MR1: variants seen among roughly 807,000 people sequenced by gnomAD.
MR1 encodes the protein major histocompatibility complex, class I-related, also known as major histocompatibility complex class I-related protein 1.
MR1 carries 44 observed loss-of-function variants against 37.8 expected under a neutral mutation model. The ratio of observed to expected loss-of-function variants is 1.16; its 90% CI spans 0.91 to 1.50. The LOEUF is 1.50. Among genes scored for constraint, MR1 ranks in the 40% most tolerant of loss-of-function variants. The probability of loss-of-function intolerance (pLI) is 0.00; values close to 1 mark genes in which losing one functional copy is unlikely to be tolerated. For synonymous variants in MR1, 153 were observed against 155.8 expected (o/e 0.98, Z 0.13); for missense variants, 386 against 419.1 (o/e 0.92, Z 0.69).
Position 181,047,673 on chromosome 1 carries a change from G to A in MR1, c.68-1379G>A, listed in dbSNP as rs140861343. On this transcript the variant is annotated intron_variant, in intron 1 of 5. Coordinates refer to ENST00000367580, the MANE Select transcript of MR1 (RefSeq NM_001385161.1). ...AGCACTTTGGGAGGCCAAGGCAGGC[G>A]GATCACGAGGTCAGGAGTTTGAGAC... is the stretch of plus-strand genomic sequence containing the variant. Among the ~76,000 whole-genome samples, 1,196 of 150,654 alleles carry A rather than the reference G, an allele frequency of 7.9e-3. 7 individuals carry two copies. Among genetic ancestry groups the A allele is most frequent in the Non-Finnish European group, 0.012 (820 of 67,678 alleles).
chr1:181,049,673 G>A, intron 2 of MR1: 1 of 474,686 alleles, frequency 2.1e-6, no homozygotes, highest in Non-Finnish European at 3.8e-6. Flanking sequence ...AGTATCGACA[G>A]TAACTTTCCC....
intron 1 of MR1, among the ~76,000 whole-genome samples, chr1:181,038,514 G>C (rs1261814565): frequency 1.3e-5 from 2 of 152,232 alleles, no homozygotes; most frequent in East Asian, 3.9e-4. Flanking sequence ...TGTTGACCTG[G>C]TTATCCAATC....
Position 181,053,689 on chromosome 1 carries a change from A to T in MR1, c.985+12A>T. The stretch of plus-strand genomic sequence containing the variant: ...AAGAAGGCCCCGAGGTGAGAGGCAC[A>T]TGGAAGGGATCCAGGGGGCTGCAGA... On this transcript the variant is annotated intron_variant, in intron 5 of 5. Coordinates refer to ENST00000367580, the MANE Select transcript of MR1 (RefSeq NM_001385161.1). 6.4e-7 allele frequency: 1 copy of T among 1,571,672 alleles called. No homozygotes were observed. The highest frequency in any genetic ancestry group is 8.8e-7 in the Non-Finnish European group (1 of 1,141,308).
chr1:181,054,962 C>T, intron 5 of MR1, among the ~76,000 whole-genome samples: 1 of 152,108 alleles, frequency 6.6e-6, no homozygotes, highest in East Asian at 1.9e-4. Flanking sequence ...AATCCTAATC[C>T]AATAAATGAT....
In MR1 at chr1:181,059,832, A is replaced by T. The variant is rs1352443339; in HGVS notation, c.*4567A>T. 1 of 152,340 alleles carries T rather than the reference A, an allele frequency of 6.6e-6. No homozygotes were observed. Among genetic ancestry groups the T allele is most frequent in the East Asian group, 1.9e-4 (1 of 5,192 alleles). 9.4% of individuals were successfully genotyped at this position (152,340 alleles called of 1,614,324 possible). A position where few individuals can be genotyped will look rare whatever the true frequency, so the allele number is the denominator to read the frequency against. On this transcript the variant is annotated 3_prime_UTR_variant, in exon 6 of 6. Coordinates refer to ENST00000367580, the MANE Select transcript of MR1 (RefSeq NM_001385161.1). The stretch of plus-strand genomic sequence containing the variant: ...TCAAAAAGAGGGTGTATAGAACCCA[A>T]CACTCAATAGGAAGATTGTCAGAGT...
At chr1:181,034,155 T>C (rs759377562) in intron 1 of MR1, 81 bp downstream of exon 1, 41 of 1,407,658 alleles carry the variant, frequency 2.9e-5, no homozygotes, top group Middle Eastern at 3.7e-4. Context: ...CTAAAACTTG[T>C]GGTGAAAAAT....
intron 2 of MR1, 72 bp from the exon 3 acceptor site, chr1:181,049,939 C>T: frequency 6.5e-7 from 1 of 1,530,448 alleles, no homozygotes; most frequent in Non-Finnish European, 8.9e-7. Flanking sequence ...CCAGCCATGC[C>T]CCTGCTCCCA....
At chr1:181,044,779 T>G (rs1322808486) in intron 1 of MR1, among the ~76,000 whole-genome samples, 2 of 152,212 alleles carry the variant, frequency 1.3e-5, no homozygotes, top group East Asian at 3.8e-4. Flanking sequence ...GAGGATCACT[T>G]AAGCCCAGGA....
intron 1 of MR1, among the ~76,000 whole-genome samples, chr1:181,045,843 C>T (rs1657824719): frequency 6.6e-6 from 1 of 152,222 alleles, no homozygotes; most frequent in East Asian, 1.9e-4. Flanking sequence ...GGGAGAGGCG[C>T]GAGCGGGAAC....
At chr1:181,053,189 C>T (rs1350672498) in intron 4 of MR1, among the ~76,000 whole-genome samples, 5 of 151,998 alleles carry the variant, frequency 3.3e-5, no homozygotes, top group African/African-American at 1.2e-4. Flanking sequence ...CAAGACCAGC[C>T]TGGGCAACAT....
At chr1:181,034,180 C>A in intron 1 of MR1, 106 bp downstream of exon 1, 2 of 1,037,492 alleles carry the variant, frequency 1.9e-6, no homozygotes, top group East Asian at 2.5e-5. Flanking sequence ...AAGCCAGGGG[C>A]AGAAACGTGT....
At chr1:181,045,774 C>G (rs1303434740) in intron 1 of MR1, among the ~76,000 whole-genome samples, 1 of 152,248 alleles carries the variant, frequency 6.6e-6, no homozygotes, top group African/African-American at 2.4e-5. Context: ...ACTGTGGGAG[C>G]CCCTTTCTGG....
intron 1 of MR1, among the ~76,000 whole-genome samples, chr1:181,046,167 G>C (rs1657851215): frequency 2.0e-5 from 3 of 152,188 alleles, no homozygotes; most frequent in Admixed American, 6.5e-5. Context: ...CGCCACCCCT[G>C]CTCCACGGCG....
chr1:181,054,698 T>A (rs770402546), intron 5 of MR1, among the ~76,000 whole-genome samples: 13 of 146,060 alleles, frequency 8.9e-5, no homozygotes, highest in Non-Finnish European at 1.7e-4. Flanking sequence ...CTGAAAATAT[T>A]AAAAAAAAAA....
chr1:181,046,047 G>A (rs1045609449), intron 1 of MR1, among the ~76,000 whole-genome samples: 2 of 152,214 alleles, frequency 1.3e-5, no homozygotes. Flanking sequence ...ATTTCTCGCC[G>A]GGCCTTAGCT....
intron 1 of MR1, among the ~76,000 whole-genome samples, chr1:181,041,302 T>C (rs1389848024): frequency 6.6e-6 from 1 of 152,206 alleles, no homozygotes; most frequent in East Asian, 1.9e-4. Context: ...GAATAAATCC[T>C]GCTATTGGGC....
intron 1 of MR1, among the ~76,000 whole-genome samples, chr1:181,038,560 A>C (rs966293596): frequency 2.6e-5 from 4 of 152,240 alleles, no homozygotes; most frequent in Non-Finnish European, 5.9e-5. Flanking sequence ...GAAGGTCTGG[A>C]GCCTGTGGCC....
intron 1 of MR1, among the ~76,000 whole-genome samples, chr1:181,048,427 T>C (rs900229380): frequency 6.6e-6 from 1 of 150,944 alleles, no homozygotes; most frequent in South Asian, 2.1e-4. Context: ...CTCAGCTACC[T>C]GGGAGGCTGG....
chr1:181,049,373 G>T, intron 2 of MR1, 61 bp downstream of exon 2: 2 of 1,543,058 alleles, frequency 1.3e-6, no homozygotes, highest in Non-Finnish European at 1.7e-6. Context: ...GAGACCCCTG[G>T]GCTGGCCTCC....
Sources: allele counts gnomAD v4.1 joint callset (sites outside exome capture counted in the v4.1 genomes callset), GRCh38; gene constraint gnomAD v4.1.1; transcripts MANE v1.5; gene names NCBI Gene and HGNC (gene_info 2026-07-23, HGNC 2026-07-21).